CPXM2: variants seen among roughly 807,000 people sequenced by gnomAD.
CPXM2 encodes the protein carboxypeptidase X, M14 family member 2.
In CPXM2, 66 loss-of-function variants were observed where a neutral mutation model predicts 86.1. The observed-to-expected ratio is 0.77, with a 90% CI of 0.63 to 0.94. The LOEUF (loss-of-function observed/expected upper bound fraction) is 0.94, where lower values mean the gene tolerates loss of function less well. Ranked by LOEUF, CPXM2 falls within the 40% of genes least tolerant of loss-of-function variation. The pLI is 0.00. For synonymous variants in CPXM2, 388 were observed against 400.2 expected, an observed-to-expected ratio of 0.97 and a Z score of 0.36; for missense variants, 948 against 1,026.3, an observed-to-expected ratio of 0.92 and a Z score of 1.04.
At chr10:123,842,756 T>C (rs1008686849) in intron 3 of CPXM2, among the ~76,000 whole-genome samples, 1 of 152,226 alleles carries the variant, frequency 6.6e-6, no homozygotes, top group Non-Finnish European at 1.5e-5. Flanking sequence ...CTCCTACTAC[T>C]CATTCATCTA....
intron 4 of CPXM2, among the ~76,000 whole-genome samples, chr10:123,840,711 G>T (rs1463356009): frequency 6.6e-6 from 1 of 152,128 alleles, no homozygotes; most frequent in Admixed American, 6.5e-5. Context: ...TTAAAATTTT[G>T]CTGGATGTTA....
chr10:123,876,577 T>C (rs1944991088), intron 2 of CPXM2, among the ~76,000 whole-genome samples: 1 of 152,216 alleles, frequency 6.6e-6, no homozygotes. Flanking sequence ...CCACCGCCTG[T>C]TTTTGTATGA....
chr10:123,875,211 C>T (rs1487834355), intron 2 of CPXM2, among the ~76,000 whole-genome samples: 1 of 152,224 alleles, frequency 6.6e-6, no homozygotes, highest in South Asian at 2.1e-4. Context: ...TTCAAAGGCA[C>T]TTGTTTCTTT....
At chr10:123,801,540 C>T (rs146888530) in intron 4 of CPXM2, among the ~76,000 whole-genome samples, 45 of 152,306 alleles carry the variant, frequency 3.0e-4, no homozygotes, top group Admixed American at 8.5e-4. Context: ...CCTGCCACCA[C>T]CCCAGTTCAC....
rs1219285158 is a variant in CPXM2, at chr10:123,817,000, T to G, written c.654-17801A>C. Among the ~76,000 whole-genome samples, 9 of 152,276 alleles carry G rather than the reference T, an allele frequency of 5.9e-5. No individual in the cohort carries two copies. In the East Asian group the frequency reaches 1.7e-3, roughly 29 times the overall value. On this transcript the variant is annotated intron_variant, in intron 4 of 13. Transcript: ENST00000241305. ...CAGGGAACTTCTACCTCAGAAAAAT[T>G]TCTAGGGGTCCAGTGGTGTGGGACC...
upstream of CPXM2, among the ~76,000 whole-genome samples, chr10:123,940,457 C>G (rs569971349): frequency 5.3e-4 from 80 of 152,328 alleles, no homozygotes; most frequent in African/African-American, 1.9e-3. Flanking sequence ...ACCCCAGAAC[C>G]CACCTGGCAA....
At chr10:123,877,946 T>C (rs1434177172) in intron 2 of CPXM2, among the ~76,000 whole-genome samples, 2 of 152,194 alleles carry the variant, frequency 1.3e-5, no homozygotes, top group African/African-American at 4.8e-5. Context: ...TCGCCTGTAC[T>C]GCCCCCCGCC....
intron 3 of CPXM2, among the ~76,000 whole-genome samples, chr10:123,860,293 T>C (rs756594086): frequency 2.6e-5 from 4 of 152,280 alleles, no homozygotes; most frequent in South Asian, 4.1e-4. Flanking sequence ...TGTGAGTGAT[T>C]AGGACTCTCA....
chr10:123,852,819 C>A (rs1255145393), intron 3 of CPXM2, among the ~76,000 whole-genome samples: 1 of 152,192 alleles, frequency 6.6e-6, no homozygotes, highest in Non-Finnish European at 1.5e-5. Context: ...TCTTGAAAAG[C>A]AGCTGCCACC....
At chr10:123,907,039 A>G (rs1269574376) in intron 2 of CPXM2, among the ~76,000 whole-genome samples, 4 of 152,226 alleles carry the variant, frequency 2.6e-5, no homozygotes, top group Non-Finnish European at 5.9e-5. Flanking sequence ...GTTTGATGCA[A>G]AGTTCATGCT....
chr10:123,800,009 G>A (rs1427012976), intron 4 of CPXM2, among the ~76,000 whole-genome samples: 2 of 144,056 alleles, frequency 1.4e-5, no homozygotes, highest in African/African-American at 5.1e-5. Context: ...GAACTAAGAA[G>A]CAATTTACTA....
chr10:123,922,251 C>A (rs1945584721), intron 2 of CPXM2, among the ~76,000 whole-genome samples: 1 of 33,368 alleles, frequency 3.0e-5, no homozygotes, highest in South Asian at 1.7e-3. Flanking sequence ...ATCATCCTAC[C>A]CATTTTGGAA....
intron 3 of CPXM2, among the ~76,000 whole-genome samples, chr10:123,852,865 C>A (rs1848633933): frequency 6.6e-6 from 1 of 152,218 alleles, no homozygotes; most frequent in African/African-American, 2.4e-5. Flanking sequence ...CCACTGCCAG[C>A]TGTCCGCTGG....
At chr10:123,750,017 A>G (rs972630595) in intron 13 of CPXM2, 1 of 370,968 alleles carries the variant, frequency 2.7e-6, no homozygotes, top group African/African-American at 2.7e-5. Context: ...ATGGGGTTTC[A>G]CCATATTGGC....
Position 123,929,275 on chromosome 10 carries a change from C to T in CPXM2, n.174+10202G>A, listed in dbSNP as rs115650734. Among the ~76,000 whole-genome samples, 924 of 152,268 alleles carry T rather than the reference C, an allele frequency of 6.1e-3. 9 individuals carry two copies. The highest frequency in any genetic ancestry group is 0.021 in the African/African-American group (874 of 41,552). On this transcript the variant is annotated intron_variant and non_coding_transcript_variant, in intron 2 of 19. Transcript: ENST00000368854. ...GGCAGAGTGCAGGGAGGATGAATTT[C>T]GGAGGATTCATGAGGCCAGACCCCG...
intron 4 of CPXM2, among the ~76,000 whole-genome samples, chr10:123,831,355 C>T (rs1442607934): frequency 6.6e-6 from 1 of 152,216 alleles, no homozygotes; most frequent in African/African-American, 2.4e-5. Flanking sequence ...TCAGCCCTGC[C>T]TCTGTCCAGT....
At chr10:123,788,994 C>T (rs1847139376) in intron 6 of CPXM2, among the ~76,000 whole-genome samples, 1 of 152,078 alleles carries the variant, frequency 6.6e-6, no homozygotes, top group Admixed American at 6.5e-5. Context: ...GCCAGCCTCC[C>T]ACCCAAGGAG....
intron 8 of CPXM2, among the ~76,000 whole-genome samples, chr10:123,769,196 T>C (rs1404716422): frequency 6.6e-6 from 1 of 152,220 alleles, no homozygotes; most frequent in African/African-American, 2.4e-5. Context: ...GTATTTTCTC[T>C]TTCAAAGCTC....
chr10:123,881,382 C>T (rs1945090304), intron 1 of CPXM2, among the ~76,000 whole-genome samples: 1 of 151,722 alleles, frequency 6.6e-6, no homozygotes. Context: ...GTTGATAGCA[C>T]CTGTTTTGGG....
Sources: gnomAD v4.1 joint callset for allele counts (sites outside exome capture counted in the v4.1 genomes callset) on GRCh38, gnomAD v4.1.1 for gene constraint, MANE v1.5 for transcripts, NCBI Gene and HGNC (gene_info 2026-07-23, HGNC 2026-07-21) for gene names.